TJP1: variants seen among roughly 807,000 people sequenced by gnomAD.
The protein encoded by TJP1 is tight junction protein 1, also known as tight junction protein ZO-1.
Under a neutral mutation model 194.2 loss-of-function variants are expected in TJP1, and 43 were observed. The observed-to-expected ratio is 0.22, with a 90% confidence interval of 0.17 to 0.29. The LOEUF is 0.29. TJP1 is among the 10% of genes least tolerant of loss of function. The probability of loss-of-function intolerance (pLI) is 1.00; values close to 1 mark genes in which losing one functional copy is unlikely to be tolerated. For missense variants in TJP1, 1,971 were observed against 2,185.7 expected (o/e 0.90, Z 1.96); for synonymous variants, 801 against 779.0 (o/e 1.03, Z -0.47).
At chr15:29,897,897 T>C (rs1399590132) in intron 2 of TJP1, among the ~76,000 whole-genome samples, 1 of 152,234 alleles carries the variant, frequency 6.6e-6, no homozygotes, top group Non-Finnish European at 1.5e-5. Context: ...AGTAACTAAC[T>C]TGCTTTTGAT....
At chr15:29,960,485 A>G (rs1181774768) in intron 1 of TJP1, among the ~76,000 whole-genome samples, 1 of 151,580 alleles carries the variant, frequency 6.6e-6, no homozygotes, top group Non-Finnish European at 1.5e-5. Context: ...ATACAAAAAA[A>G]CTCGCCAGGC....
At chr15:29,888,070 G>T (rs992707757) in intron 2 of TJP1, among the ~76,000 whole-genome samples, 1 of 152,034 alleles carries the variant, frequency 6.6e-6, no homozygotes, top group African/African-American at 2.4e-5. Context: ...TTAAGTAAAT[G>T]ATTTAAAAAT....
chr15:29,761,370 C>A, intron 7 of TJP1, 84 bp from the exon 8 acceptor site: 1 of 1,497,584 alleles, frequency 6.7e-7, no homozygotes, highest in Non-Finnish European at 9.1e-7. Flanking sequence ...TGAAGATAAG[C>A]TAGTAAGTAA....
At chr15:29,809,224 ATGTG>A (rs2049321616) in intron 1 of TJP1, among the ~76,000 whole-genome samples, 1 of 152,230 alleles carries the variant, frequency 6.6e-6, no homozygotes, top group African/African-American at 2.4e-5. Flanking sequence ...TATTTTGGAT[ATGTG>A]TGTTAAATAA....
chr15:29,849,441 A>T (rs1037823845), intron 2 of TJP1, among the ~76,000 whole-genome samples: 13 of 80,822 alleles, frequency 1.6e-4, no homozygotes, highest in Admixed American at 8.7e-4. Context: ...AATTTTATTT[A>T]AAAAAAAAAA....
intron 12 of TJP1, among the ~76,000 whole-genome samples, chr15:29,733,530 C>T (rs1429104738): frequency 6.6e-6 from 1 of 152,204 alleles, no homozygotes; most frequent in Non-Finnish European, 1.5e-5. Flanking sequence ...GCAGAAAATA[C>T]ATCAAGTAAC....
At chr15:29,894,168 T>C (rs925187748) in intron 2 of TJP1, among the ~76,000 whole-genome samples, 6 of 152,152 alleles carry the variant, frequency 3.9e-5, no homozygotes, top group African/African-American at 1.2e-4. Context: ...TTTTAAAATA[T>C]GCAAAATTGG....
chr15:29,748,863 A>G (rs576229712), intron 8 of TJP1, among the ~76,000 whole-genome samples: 1 of 152,100 alleles, frequency 6.6e-6, no homozygotes, highest in East Asian at 1.9e-4. Context: ...GCAAGCCACC[A>G]TGCCCAGCCC....
At chr15:29,874,611 T>C (rs1010767291) in intron 2 of TJP1, among the ~76,000 whole-genome samples, 3 of 152,208 alleles carry the variant, frequency 2.0e-5, no homozygotes, top group East Asian at 3.8e-4. Flanking sequence ...TAAGGGTAGC[T>C]AGTCCCTCAA....
chr15:29,888,991 A>T (rs1157218047), intron 2 of TJP1, among the ~76,000 whole-genome samples: 1 of 152,230 alleles, frequency 6.6e-6, no homozygotes, highest in Non-Finnish European at 1.5e-5. Flanking sequence ...TGCTCTGTGG[A>T]TAGCCAAGGA....
intron 2 of TJP1, among the ~76,000 whole-genome samples, chr15:29,832,623 G>A (rs1451892130): frequency 6.6e-6 from 1 of 152,188 alleles, no homozygotes; most frequent in African/African-American, 2.4e-5. Flanking sequence ...CATGTCACTA[G>A]AAAATGGTAT....
chr15:29,964,657 A>G (rs543388063), intron 1 of TJP1, among the ~76,000 whole-genome samples: 1 of 152,316 alleles, frequency 6.6e-6, no homozygotes, highest in Admixed American at 6.5e-5. Context: ...GATCTGTTAC[A>G]GCAGCCCCTG....
rs190955845 is a variant in TJP1, at chr15:29,940,595, A to G, written c.306+15637T>C. ...CGTGTGTGTGCATACAGACAGATTC[A>G]CTATGTTATTTATATGTTCCTCAGG... On this transcript the variant is annotated intron_variant, in intron 2 of 28. Coordinates refer to the TJP1 transcript ENST00000356107. Among the ~76,000 whole-genome samples the G allele has an allele frequency of 4.2e-3, 636 of 152,282 alleles. 6 individuals carry two copies. Among genetic ancestry groups the G allele is most frequent in the Non-Finnish European group, 6.6e-3 (446 of 68,022 alleles).
At chr15:29,929,511 A>G (rs925042757) in intron 2 of TJP1, among the ~76,000 whole-genome samples, 1 of 152,170 alleles carries the variant, frequency 6.6e-6, no homozygotes, top group Admixed American at 6.5e-5. Flanking sequence ...AGCCTGGCCA[A>G]CACGGCAAAA....
chr15:29,902,362 G>C (rs961562808), intron 2 of TJP1, among the ~76,000 whole-genome samples: 3 of 151,302 alleles, frequency 2.0e-5, no homozygotes, highest in Non-Finnish European at 4.4e-5. Flanking sequence ...TATAGATAGA[G>C]GAAGAAATCA....
intron 2 of TJP1, among the ~76,000 whole-genome samples, chr15:29,844,224 C>T (rs2051329740): frequency 6.6e-6 from 1 of 152,178 alleles, no homozygotes; most frequent in Admixed American, 6.5e-5. Flanking sequence ...GCATGCATCA[C>T]CACGCCGGCG....
rs1008703767 is a variant in TJP1, at chr15:29,956,677, C to T, written c.174-313G>A. Among the ~76,000 whole-genome samples the T allele has an allele frequency of 2.0e-5, 3 of 152,090 alleles. No individual in the cohort carries two copies. The South Asian group carries it at 6.2e-4, about 32-fold the overall frequency. ...GGAGGATCACTTGAGCCCAGGGGTTCGAGCCCAGCCTGGGCAATACAGGGA... is the reference window on the plus strand; with the variant it reads ...GGAGGATCACTTGAGCCCAGGGGTTTGAGCCCAGCCTGGGCAATACAGGGA... On this transcript the variant is annotated intron_variant, in intron 1 of 28. Transcript: ENST00000356107.
At chr15:29,949,550 A>AC (rs1567225346) in intron 2 of TJP1, among the ~76,000 whole-genome samples, 47 of 111,068 alleles carry the variant, frequency 4.2e-4, no homozygotes, top group Non-Finnish European at 7.4e-4. Context: ...CACCACCTCC[A>AC]CAACCACCAC....
chr15:29,930,038 T>A (rs1050361188), intron 2 of TJP1, among the ~76,000 whole-genome samples: 1 of 152,142 alleles, frequency 6.6e-6, no homozygotes, highest in Admixed American at 6.5e-5. Flanking sequence ...AGAAGAAATG[T>A]AAAACTTGAA....
Sources: allele counts gnomAD v4.1 joint callset (sites outside exome capture counted in the v4.1 genomes callset), GRCh38; gene constraint gnomAD v4.1.1; transcripts MANE v1.5; gene names NCBI Gene and HGNC (gene_info 2026-07-23, HGNC 2026-07-21).